Variants in MYO7B observed in about 807,000 individuals in gnomAD.
The protein encoded by MYO7B is unconventional myosin-VIIb.
In MYO7B, 212 loss-of-function variants were observed where a neutral mutation model predicts 259.7. The ratio of observed to expected loss-of-function variants is 0.82; its 90% CI spans 0.73 to 0.91. MYO7B has a LOEUF of 0.91. Ranked by LOEUF, MYO7B falls within the 40% of genes least tolerant of loss-of-function variation. The pLI is 0.00. For missense variants in MYO7B, 2,732 were observed against 2,813.5 expected, an observed-to-expected ratio of 0.97 and a Z score of 0.66; for synonymous variants, 1,197 against 1,166.4, an observed-to-expected ratio of 1.03 and a Z score of -0.54.
intron 1 of MYO7B, among the ~76,000 whole-genome samples, chr2:127,538,985 A>G (rs1692901140): frequency 6.6e-6 from 1 of 152,204 alleles, no homozygotes; most frequent in Non-Finnish European, 1.5e-5. Context: ...GTTGTTTTAC[A>G]GATCAAACTA....
At chr2:127,605,406 G>A (rs1264977023) in intron 19 of MYO7B, among the ~76,000 whole-genome samples, 2 of 152,200 alleles carry the variant, frequency 1.3e-5, no homozygotes, top group African/African-American at 4.8e-5. Flanking sequence ...GACCAAACTG[G>A]TCAACGTGGT....
At chr2:127,604,506 G>T (rs1680089412) in intron 19 of MYO7B, among the ~76,000 whole-genome samples, 1 of 152,190 alleles carries the variant, frequency 6.6e-6, no homozygotes, top group South Asian at 2.1e-4. Context: ...CACTGGAGTA[G>T]CACCTTTAAT....
In MYO7B at chr2:127,559,036, G is replaced by A. The variant is rs1677952462; in HGVS notation, c.-23-664G>A. Among the ~76,000 whole-genome samples, 1 of 152,202 alleles carries A rather than the reference G, an allele frequency of 6.6e-6. No individual in the cohort carries two copies. The highest frequency in any genetic ancestry group is 2.1e-4 in the South Asian group (1 of 4,830). On this transcript the variant is annotated intron_variant, in intron 1 of 47. Transcript: ENST00000409816. The surrounding 1 kb of genome is among the most constrained non-coding windows in gnomAD (Gnocchi z 4.1). ...TACCCACCTTGCACTGCTCAGCGCA[G>A]GGAGGGGAAGCTGCCAACACTCAGT...
intron 1 of MYO7B, among the ~76,000 whole-genome samples, chr2:127,536,294 G>A (rs1692772754): frequency 6.6e-6 from 1 of 152,214 alleles, no homozygotes; most frequent in African/African-American, 2.4e-5. Flanking sequence ...TCCATTTTAT[G>A]GACACAGAGA....
In MYO7B at chr2:127,634,243, T is replaced by A; in HGVS notation, c.5579T>A (p.Leu1860Gln). 2 of 1,596,818 alleles carry A rather than the reference T, an allele frequency of 1.3e-6. No individual in the cohort carries two copies. Among genetic ancestry groups the A allele is most frequent in the South Asian group, 2.3e-5 (2 of 88,040 alleles). The change falls in exon 41 of 48, where the codon CTG becomes CAG. Residue 1860 changes from leucine to glutamine, a missense_variant. By Grantham distance (113) the Leu-to-Gln change is moderately radical. This residue lies in a region of MYO7B where 821 missense variants were observed against 769.3 expected (regional missense o/e 1.07). Transcript: ENST00000409816. ...VCDSIATRLQ[L>Q]ASWEGCSLFI... ...GACAGCATTGCCACCAGGCTGCAGC[T>A]GGCCTCCTGGGAGGGCTGCAGCCTC...
At chr2:127,623,992 C>T in intron 29 of MYO7B, 101 bp from the exon 30 acceptor site, 2 of 1,141,590 alleles carry the variant, frequency 1.8e-6, no homozygotes, top group Non-Finnish European at 2.4e-6. Context: ...GCTCCAAGGG[C>T]CCCAGGCCCT....
In MYO7B at chr2:127,576,414, C is replaced by T. The variant is rs918285274; in HGVS notation, c.736-181C>T. ...TCTCAGGGCAGGGATGAGACAGCCG[C>T]GGAGGCCCGGGACAGGGACAGCAAC... is the stretch of plus-strand genomic sequence containing the variant. On this transcript the variant is annotated intron_variant, in intron 7 of 47. Transcript: ENST00000409816. The surrounding 1 kb of genome is among the most constrained non-coding windows in gnomAD (Gnocchi z 4.9). 6.6e-6 allele frequency among the ~76,000 whole-genome samples: 1 copy of T among 152,122 alleles called. No individual in the cohort carries two copies. Among genetic ancestry groups the T allele is most frequent in the African/African-American group, 2.4e-5 (1 of 41,424 alleles).
chr2:127,620,723 T>G (rs1680803994), intron 27 of MYO7B, among the ~76,000 whole-genome samples: 1 of 152,174 alleles, frequency 6.6e-6, no homozygotes, highest in Non-Finnish European at 1.5e-5. Flanking sequence ...GGTGTCAGGA[T>G]GGTGCTTCAA....
chr2:127,570,284 AAC>A (rs1678541026), intron 6 of MYO7B, among the ~76,000 whole-genome samples: 1 of 152,304 alleles, frequency 6.6e-6, no homozygotes, highest in East Asian at 1.9e-4. Context: ...TTGAGGGGTA[AAC>A]CTGCAGAAGG....
Position 127,610,012 on chromosome 2 carries a change from C to A in MYO7B, c.3188C>A (p.Ala1063Glu), listed in dbSNP as rs1450542105. The A allele has an allele frequency of 2.5e-6, 4 of 1,609,144 alleles. No individual in the cohort carries two copies. The highest frequency in any genetic ancestry group is 3.4e-6 in the Non-Finnish European group (4 of 1,178,248). ...GAQVPQHSRS[A>E]QRSGCKDKGT... is the part of the protein sequence containing the mutation. The stretch of plus-strand genomic sequence containing the variant: ...CAGGTTCCACAGCACAGTAGATCTG[C>A]ACAGGCAAGTGGGGGGCAGCAGCGG... The change falls in exon 24 of 48, where the codon GCA becomes GAA. Residue 1063 changes from alanine to glutamate, a missense_variant. This residue lies in a region of MYO7B where 1,906 missense variants were observed against 2,026.4 expected (regional missense o/e 0.94). Transcript: ENST00000409816.
chr2:127,605,939 T>A lies in MYO7B; in HGVS notation c.2424+11T>A, dbSNP rs916199902. 6.5e-7 allele frequency: 1 copy of A among 1,529,244 alleles called. No homozygotes were observed. Among genetic ancestry groups the A allele is most frequent in the African/African-American group, 2.0e-5 (1 of 49,184 alleles). 94.7% of individuals were successfully genotyped at this position (1,529,244 alleles called of 1,614,324 possible). ...AGGAATTTCAAGCTGGTGAGAGAGC[T>A]CTCTGGGGCGGCTGGGCCGCGGGAC... On this transcript the variant is annotated intron_variant, in intron 20 of 47. Transcript: ENST00000409816.
In MYO7B at chr2:127,636,274, A is replaced by T. The variant is rs530942851; in HGVS notation, c.6073A>T (p.Lys2025Ter). The T allele has an allele frequency of 1.9e-6, 3 of 1,613,436 alleles. No homozygotes were observed. The African/African-American group carries it at 4.0e-5, about 22-fold the overall frequency. ...GGAGGAGGCCAAGGTGGCCTTCCTG[A>T]AGTGGATCTGCCGGTGGCCCACCTT... ...TVEEAKVAFLKWICRWPTFGS... is the reference protein window; with the variant it reads ...TVEEAKVAFL Residue 2025 changes from lysine (K) to a stop codon, truncating the protein, a stop_gained, in exon 45 of 48, where the codon AAG (lysine) becomes TAG (stop). Coordinates refer to ENST00000409816, the MANE Select transcript of MYO7B (RefSeq NM_001393586.1). LOFTEE classifies it high-confidence loss of function. This position sits in a 1 kb window ranked among gnomAD's most constrained non-coding sequence, Gnocchi z 4.5.
intron 1 of MYO7B, among the ~76,000 whole-genome samples, chr2:127,549,647 G>A (rs1693373069): frequency 6.6e-6 from 1 of 152,194 alleles, no homozygotes; most frequent in Non-Finnish European, 1.5e-5. Flanking sequence ...GAGATGAGGT[G>A]CTATGGTCAC....
intron 40 of MYO7B, 57 bp downstream of exon 40, chr2:127,633,420 A>G: frequency 1.3e-6 from 2 of 1,545,798 alleles, no homozygotes; most frequent in East Asian, 2.3e-5. Flanking sequence ...GCCATGGGGC[A>G]TCCTCCTTCC....
chr2:127,632,490 T>G (rs1423571815), intron 39 of MYO7B, 89 bp downstream of exon 39: 1 of 1,445,142 alleles, frequency 6.9e-7, no homozygotes. Context: ...CAGGAGCTCA[T>G]GGTCCTGGGA....
chr2:127,568,295 G>A lies in MYO7B; in HGVS notation c.470+1468G>A, dbSNP rs1321848678. On this transcript the variant is annotated intron_variant, in intron 5 of 47. Transcript: ENST00000409816. ...GTGGCTCTACCTGGAGGTTGGCGGG[G>A]CTGGCAGTGTGAACAAGGAGAGGAA... Among the ~76,000 whole-genome samples, 2 of 152,242 alleles carry A rather than the reference G, an allele frequency of 1.3e-5. 1 individual carries two copies. The highest frequency in any genetic ancestry group is 4.8e-5 in the African/African-American group (2 of 41,468).
In MYO7B at chr2:127,636,663, C is replaced by G. The variant is rs757147968; in HGVS notation, c.6207+35C>G. ...GGGCCTCCGGAGGGGCTGGGGGCCA[C>G]CAGGTCCAGGGACCTGTGCAGGTGG... On this transcript the variant is annotated intron_variant, in intron 46 of 47. Coordinates refer to ENST00000409816, the MANE Select transcript of MYO7B (RefSeq NM_001393586.1). The surrounding 1 kb of genome is among the most constrained non-coding windows in gnomAD (Gnocchi z 4.5). 13 of 1,607,124 alleles carry G rather than the reference C, an allele frequency of 8.1e-6. No homozygotes were observed. The highest frequency in any genetic ancestry group is 1.1e-5 in the Non-Finnish European group (13 of 1,176,600).
At position 127,576,567 on chromosome 2, in the gene MYO7B, T is replaced by C. The variant is rs1158146266; in HGVS notation, c.736-28T>C. On this transcript the variant is annotated intron_variant, in intron 7 of 47. Transcript: ENST00000409816. This position sits in a 1 kb window ranked among gnomAD's most constrained non-coding sequence, Gnocchi z 4.9. ...GCCTCAGGGGAATGGCTCATGAATC[T>C]GTCTGGAATGCCCTCCCTCCCTCCC... The C allele has an allele frequency of 1.4e-6, 2 of 1,439,526 alleles. No individual in the cohort carries two copies. The highest frequency in any genetic ancestry group is 3.5e-5 in the Admixed American group (2 of 56,842). The allele number at this position is 1,439,526 out of a possible 1,614,324, so 89.2% of individuals were successfully genotyped here.
rs751530862 is a variant in MYO7B, at chr2:127,566,768, C to A, written c.411C>A (p.Ile137=). The A allele has an allele frequency of 6.8e-6, 11 of 1,612,644 alleles. No individual in the cohort carries two copies. Among genetic ancestry groups the A allele is most frequent in the Non-Finnish European group, 9.3e-6 (11 of 1,179,848 alleles). ...MGELPPHVFA[I]ANNCYFSMKR... is the part of the protein sequence containing the mutation. ...AGCTGCCCCCGCATGTCTTTGCCAT[C>A]GCCAACAACTGCTACTTCAGCATGA... Residue 137 remains isoleucine, a synonymous_variant, in exon 5 of 48, where the codon ATC becomes ATA. Coordinates refer to ENST00000409816, the MANE Select transcript of MYO7B (RefSeq NM_001393586.1).
Sources: gnomAD v4.1 joint callset for allele counts (sites outside exome capture counted in the v4.1 genomes callset) on GRCh38, gnomAD v4.1.1 for gene constraint, gnomAD v4.1.1 regional missense constraint, Gnocchi (gnomAD v3.1) non-coding constraint, MANE v1.5 for transcripts, NCBI Gene and HGNC (gene_info 2026-07-23, HGNC 2026-07-21) for gene names.